ZEB1: variants seen among roughly 807,000 people sequenced by gnomAD.
ZEB1 encodes the protein zinc finger E-box-binding homeobox 1.
A neutral mutation model predicts 84.9 loss-of-function variants in ZEB1; 21 were observed. The ratio of observed to expected loss-of-function variants is 0.25; its 90% CI spans 0.18 to 0.36. The LOEUF is 0.36. ZEB1 is among the 10% of genes least tolerant of loss of function. The pLI is 1.00. For synonymous variants in ZEB1, 420 were observed against 471.1 expected (o/e 0.89, Z 1.41); for missense variants, 1,104 against 1,330.2 (o/e 0.83, Z 2.65).
At chr10:31,517,967 T>C (rs562504187) in intron 6 of ZEB1, among the ~76,000 whole-genome samples, 1 of 152,270 alleles carries the variant, frequency 6.6e-6, no homozygotes, top group Non-Finnish European at 1.5e-5. Flanking sequence ...AAGCTAGGGC[T>C]GTGATGTAGT....
At chr10:31,462,155 T>C (rs2061893922) in intron 2 of ZEB1, among the ~76,000 whole-genome samples, 1 of 152,196 alleles carries the variant, frequency 6.6e-6, no homozygotes, top group Admixed American at 6.6e-5. Context: ...CAGGTCAGGA[T>C]ATTATCTGGA....
intron 2 of ZEB1, among the ~76,000 whole-genome samples, chr10:31,471,519 A>C: frequency 6.7e-6 from 1 of 149,394 alleles, no homozygotes; most frequent in African/African-American, 2.5e-5. Context: ...AACTATCCTA[A>C]ATATATATGC....
chr10:31,448,964 T>A (rs2060169605), intron 1 of ZEB1, among the ~76,000 whole-genome samples: 1 of 152,212 alleles, frequency 6.6e-6, no homozygotes, highest in African/African-American at 2.4e-5. Flanking sequence ...CCTGGCTGCT[T>A]TGTTTACCTA....
chr10:31,388,725 A>T (rs2049089129), intron 1 of ZEB1, among the ~76,000 whole-genome samples: 1 of 152,034 alleles, frequency 6.6e-6, no homozygotes, highest in Admixed American at 6.6e-5. Flanking sequence ...ATATATACGT[A>T]CAGTTTTTTT....
intron 1 of ZEB1, among the ~76,000 whole-genome samples, chr10:31,353,474 G>A (rs917459998): frequency 6.6e-6 from 1 of 152,146 alleles, no homozygotes; most frequent in Admixed American, 6.5e-5. Context: ...GAAACAAGTG[G>A]CTATTTGCCA....
chr10:31,483,670 GA>G (rs1481363004), intron 2 of ZEB1, among the ~76,000 whole-genome samples: 3 of 151,848 alleles, frequency 2.0e-5, no homozygotes, highest in African/African-American at 4.8e-5. Context: ...ACAGCAAAAA[GA>G]AAAAAATATT....
chr10:31,434,481 T>C (rs888351729), intron 1 of ZEB1, among the ~76,000 whole-genome samples: 1 of 152,232 alleles, frequency 6.6e-6, no homozygotes, highest in African/African-American at 2.4e-5. Context: ...TAAATAAACA[T>C]ATATTTCACA....
intron 1 of ZEB1, among the ~76,000 whole-genome samples, chr10:31,397,440 A>G (rs2051019299): frequency 6.6e-6 from 1 of 151,966 alleles, no homozygotes. Context: ...GCCTTTTTAG[A>G]TACAGAATGT....
intron 7 of ZEB1, among the ~76,000 whole-genome samples, chr10:31,522,964 C>T (rs2072710988): frequency 6.6e-6 from 1 of 152,124 alleles, no homozygotes; most frequent in African/African-American, 2.4e-5. Flanking sequence ...AGAAAAAGAG[C>T]CATCCTTAGC....
At chr10:31,508,173 G>T (rs1423075060) in intron 4 of ZEB1, among the ~76,000 whole-genome samples, 1 of 152,204 alleles carries the variant, frequency 6.6e-6, no homozygotes, top group Admixed American at 6.5e-5. Flanking sequence ...GGCCCTAGCA[G>T]TGGTAGTAAC....
At chr10:31,418,169 T>G (rs964543932) in intron 1 of ZEB1, among the ~76,000 whole-genome samples, 2 of 151,850 alleles carry the variant, frequency 1.3e-5, no homozygotes, top group Non-Finnish European at 2.9e-5. Context: ...ATGCACTCCC[T>G]AAAGAGTGCC....
In ZEB1 at chr10:31,360,956, T is replaced by C. The variant is rs1006092447; in HGVS notation, c.58+41664T>C. ...CATGTCTGGAGGAAGCAGCTAACTA[T>C]GGCGACCGCCACGGAGCAGTGGGTT... On this transcript the variant is annotated intron_variant, in intron 1 of 8. Transcript: ENST00000424869. The C allele has an allele frequency of 2.0e-5, 32 of 1,601,300 alleles. No individual in the cohort carries two copies. In the Middle Eastern group the frequency reaches 6.8e-4, roughly 34 times the overall value.
At chr10:31,395,939 G>A (rs1290153167) in intron 1 of ZEB1, among the ~76,000 whole-genome samples, 1 of 152,142 alleles carries the variant, frequency 6.6e-6, no homozygotes, top group Non-Finnish European at 1.5e-5. Flanking sequence ...ATCCCATCAT[G>A]TCCATGGGGT....
chr10:31,339,728 C>T (rs1031384224), intron 1 of ZEB1, among the ~76,000 whole-genome samples: 1 of 151,130 alleles, frequency 6.6e-6, no homozygotes, highest in Non-Finnish European at 1.5e-5. Context: ...TGAGATTGCA[C>T]CACTCACTCC....
intron 4 of ZEB1, among the ~76,000 whole-genome samples, chr10:31,505,832 G>A (rs1412617752): frequency 6.8e-6 from 1 of 147,474 alleles, no homozygotes; most frequent in African/African-American, 2.4e-5. Flanking sequence ...AGTTCTTGAG[G>A]CACATTGTTA....
chr10:31,362,940 T>C (rs1480107956), intron 1 of ZEB1: 3 of 1,532,922 alleles, frequency 2.0e-6, no homozygotes, highest in African/African-American at 2.7e-5. Flanking sequence ...GTCCTTCTCT[T>C]TGGGAAGCCT....
intron 2 of ZEB1, among the ~76,000 whole-genome samples, chr10:31,480,540 A>G (rs1592079): frequency 0.021 from 3,242 of 152,148 alleles, 35 homozygotes; most frequent in Non-Finnish European, 0.034. Flanking sequence ...AATGAAAGCA[A>G]TGGGCCAGAT....
chr10:31,318,815 G>C, upstream of ZEB1: 1 of 330,260 alleles, frequency 3.0e-6, no homozygotes, highest in South Asian at 2.5e-5. Flanking sequence ...GGGAGAATCA[G>C]CCAGATCCCT....
At chr10:31,428,654 G>A (rs2057292392) in intron 1 of ZEB1, among the ~76,000 whole-genome samples, 1 of 152,168 alleles carries the variant, frequency 6.6e-6, no homozygotes, top group Non-Finnish European at 1.5e-5. Context: ...TGTGAGTAGA[G>A]TGTTAAGTTT....
Sources: gnomAD v4.1 joint callset for allele counts (sites outside exome capture counted in the v4.1 genomes callset) on GRCh38, gnomAD v4.1.1 for gene constraint, MANE v1.5 for transcripts, NCBI Gene and HGNC (gene_info 2026-07-23, HGNC 2026-07-21) for gene names.